The following CDH3 variants were observed in gnomAD, a reference collection of about 807,000 sequenced individuals.
CDH3 encodes cadherin-3.
CDH3 carries 54 observed loss-of-function variants against 82.0 expected under a neutral mutation model. That is an observed-to-expected ratio of 0.66 (90% CI 0.53 to 0.83). CDH3 has a LOEUF of 0.83. Among genes scored for constraint, CDH3 ranks in the 40% least tolerant of loss-of-function variants. The probability of loss-of-function intolerance (pLI) is 0.00; values close to 1 mark genes in which losing one functional copy is unlikely to be tolerated. For synonymous variants in CDH3, 446 were observed against 437.9 expected, an observed-to-expected ratio of 1.02 and a Z score of -0.23; for missense variants, 1,054 against 1,084.6, an observed-to-expected ratio of 0.97 and a Z score of 0.40.
downstream of CDH3, among the ~76,000 whole-genome samples, chr16:68,729,955 C>A (rs566468165): frequency 6.6e-6 from 1 of 152,286 alleles, no homozygotes; most frequent in East Asian, 1.9e-4. Context: ...TAATTGTTTG[C>A]CAGGTGCAGT....
At chr16:68,700,926 C>T (rs1222540882), downstream of CDH3, among the ~76,000 whole-genome samples, 2 of 152,106 alleles carry the variant, frequency 1.3e-5, no homozygotes, top group Admixed American at 6.6e-5. Context: ...AGGACAAAGC[C>T]GCCTCCTGCC....
In CDH3 at chr16:68,698,624, G is replaced by A; in HGVS notation, c.*224G>A. 2 of 577,178 alleles carry A rather than the reference G, an allele frequency of 3.5e-6. No homozygotes were observed. The highest frequency in any genetic ancestry group is 4.1e-5 in the South Asian group (2 of 48,312). 35.8% of individuals were successfully genotyped at this position (577,178 alleles called of 1,614,324 possible). ...TCAGCACTGAAAACCTCTCCACCTG[G>A]GCCAGGGTTGCCTCAGAGGCCAAGT... On this transcript the variant is annotated 3_prime_UTR_variant, in exon 16 of 16. Transcript: ENST00000264012.
At chr16:68,662,348 T>C (rs1037500294) in intron 2 of CDH3, among the ~76,000 whole-genome samples, 2 of 152,078 alleles carry the variant, frequency 1.3e-5, no homozygotes, top group African/African-American at 4.8e-5. Flanking sequence ...GTCCCACCAC[T>C]TGGGGAGGCA....
chr16:68,679,747 A>G (rs1750618041), intron 6 of CDH3, 52 bp from the exon 7 acceptor site: 3 of 1,167,050 alleles, frequency 2.6e-6, no homozygotes, highest in Non-Finnish European at 2.6e-6. Context: ...CCAGAAGTAG[A>G]CAGGGCTGGA....
At chr16:68,651,231 G>T in intron 2 of CDH3, 2 of 531,252 alleles carry the variant, frequency 3.8e-6, no homozygotes, top group South Asian at 1.4e-5. Flanking sequence ...ACACGGAGGA[G>T]TTGTCATACT....
At chr16:68,723,163 C>G (rs1034827750) in intron 2 of CDH3, among the ~76,000 whole-genome samples, 1 of 151,860 alleles carries the variant, frequency 6.6e-6, no homozygotes, top group Non-Finnish European at 1.5e-5. Context: ...GAACTCACCA[C>G]TCAGCCCAAT....
chr16:68,715,588 T>A (rs1388055288), intron 1 of CDH3, among the ~76,000 whole-genome samples: 1 of 151,942 alleles, frequency 6.6e-6, no homozygotes, highest in East Asian at 1.9e-4. Context: ...CTGCAGGGAG[T>A]TGCCCAATAG....
At chr16:68,728,516 G>A (rs140795197), downstream of CDH3, among the ~76,000 whole-genome samples, 845 of 151,470 alleles carry the variant, frequency 5.6e-3, 9 homozygotes, top group Middle Eastern at 0.083. Context: ...GGCTGATCTC[G>A]AACTCCTGAC....
At chr16:68,651,931 C>T (rs1960260331) in intron 2 of CDH3, 1 of 366,894 alleles carries the variant, frequency 2.7e-6, no homozygotes, top group Admixed American at 3.5e-5. Flanking sequence ...TATGAGGGGC[C>T]CTTGTTGAAT....
intron 2 of CDH3, among the ~76,000 whole-genome samples, chr16:68,670,568 C>T (rs1361823647): frequency 6.6e-6 from 1 of 152,184 alleles, no homozygotes; most frequent in Non-Finnish European, 1.5e-5. Context: ...GGTATCTTCC[C>T]ACCTCAGTTA....
chr16:68,701,882 G>T (rs1174629763), downstream of CDH3, among the ~76,000 whole-genome samples: 1 of 151,730 alleles, frequency 6.6e-6, no homozygotes, highest in Non-Finnish European at 1.5e-5. Context: ...AAATTAGCTG[G>T]GTGTGGTGGC....
chr16:68,683,436 G>A (rs536597452), intron 9 of CDH3, among the ~76,000 whole-genome samples: 1 of 152,106 alleles, frequency 6.6e-6, no homozygotes, highest in South Asian at 2.1e-4. Context: ...TGGATCACGA[G>A]GTCAGGAGAC....
chr16:68,684,322 T>A (rs1961333587), intron 9 of CDH3, among the ~76,000 whole-genome samples: 1 of 152,156 alleles, frequency 6.6e-6, no homozygotes, highest in Non-Finnish European at 1.5e-5. Context: ...CCCAGTTTTC[T>A]CAAACATCAC....
At chr16:68,710,717 G>A (rs1168707536) in intron 1 of CDH3, among the ~76,000 whole-genome samples, 3 of 151,366 alleles carry the variant, frequency 2.0e-5, no homozygotes, top group African/African-American at 4.9e-5. Flanking sequence ...GGTGGCGGGC[G>A]CCTGTAATTC....
At chr16:68,661,856 T>TG (rs1960589474) in intron 2 of CDH3, among the ~76,000 whole-genome samples, 1 of 151,984 alleles carries the variant, frequency 6.6e-6, no homozygotes, top group South Asian at 2.1e-4. Context: ...ACCTGGCTAA[T>TG]TTTTTTGTGT....
At chr16:68,645,574 GGGGAGTGCAGGGCC>G (rs1960028951) in intron 1 of CDH3, 48 bp from the exon 2 acceptor site, 7 of 1,455,796 alleles carry the variant, frequency 4.8e-6, no homozygotes, top group Non-Finnish European at 6.5e-6. Flanking sequence ...CCTGCGGTGT[GGGGAGTGCAGGGCC>G]GGGCACGCCT....
chr16:68,673,435 C>T (rs549481621), intron 2 of CDH3, among the ~76,000 whole-genome samples: 1 of 151,786 alleles, frequency 6.6e-6, no homozygotes, highest in East Asian at 1.9e-4. Context: ...GGTAGTAGTT[C>T]CCCTCCCCTC....
intron 2 of CDH3, among the ~76,000 whole-genome samples, chr16:68,669,640 C>T (rs926068000): frequency 1.3e-5 from 2 of 151,916 alleles, no homozygotes; most frequent in Non-Finnish European, 2.9e-5. Flanking sequence ...GGTAGCAGCT[C>T]TCAGAGTTTT....
downstream of CDH3, among the ~76,000 whole-genome samples, chr16:68,729,044 C>G (rs921619789): frequency 9.2e-5 from 14 of 152,162 alleles, no homozygotes; most frequent in Non-Finnish European, 1.8e-4. Context: ...GTGGCTCACA[C>G]CTGTAATCCC....
Sources: gnomAD v4.1 joint callset for allele counts (sites outside exome capture counted in the v4.1 genomes callset) on GRCh38, gnomAD v4.1.1 for gene constraint, MANE v1.5 for transcripts, NCBI Gene and HGNC (gene_info 2026-07-23, HGNC 2026-07-21) for gene names.